ATP2C2: variants seen among roughly 807,000 people sequenced by gnomAD.
ATP2C2 encodes ATPase secretory pathway Ca2+ transporting 2, also known as calcium-transporting ATPase type 2C member 2.
A neutral mutation model predicts 110.8 loss-of-function variants in ATP2C2; 171 were observed. The observed-to-expected ratio is 1.54, with a 90% CI of 1.36 to 1.75. ATP2C2 has a LOEUF of 1.75. Ranked by LOEUF, ATP2C2 falls within the 40% of genes most tolerant of loss-of-function variation. The probability of loss-of-function intolerance (pLI) is 0.00; values close to 1 mark genes in which losing one functional copy is unlikely to be tolerated. For missense variants in ATP2C2, 1,963 were observed against 1,235.0 expected, an observed-to-expected ratio of 1.59 and a Z score of -8.84; for synonymous variants, 804 against 508.4, an observed-to-expected ratio of 1.58 and a Z score of -7.82.
chr16:84,462,900 T>G (rs1190983885), intron 26 of ATP2C2: 2 of 153,036 alleles, frequency 1.3e-5, no homozygotes, highest in East Asian at 3.9e-4. Flanking sequence ...GACCTGAGGC[T>G]GCAGTGACAA....
chr16:84,462,227 G>T (rs912675036), intron 26 of ATP2C2, 98 bp downstream of exon 26: 2 of 1,486,664 alleles, frequency 1.3e-6, no homozygotes, highest in East Asian at 2.3e-5. Context: ...GGGTCAGTGC[G>T]GGAAAGCAGA....
At chr16:84,459,045 C>G in intron 21 of ATP2C2, 75 bp from the exon 22 acceptor site, 1 of 1,535,394 alleles carries the variant, frequency 6.5e-7, no homozygotes, top group Non-Finnish European at 9.0e-7. Context: ...ACCACTGCCC[C>G]TTGCAGCAAC....
In ATP2C2 at chr16:84,398,528, C is replaced by CA. The variant is rs1905127065; in HGVS notation, c.129_130insA (p.Glu44ArgfsTer50). On this transcript the variant is annotated frameshift_variant, in exon 2 of 27. Coordinates refer to ENST00000262429, the MANE Select transcript of ATP2C2 (RefSeq NM_014861.4). LOFTEE classifies it high-confidence loss of function. ...ATGAACAGAGTGAGCTGAAAGCCAT[C>CA]GAGAAAGAGAAGAAGGTGACAGCCC... is the stretch of plus-strand genomic sequence containing the variant. 6.2e-7 allele frequency: 1 copy of CA among 1,612,738 alleles called. No homozygotes were observed. The highest frequency in any genetic ancestry group is 8.5e-7 in the Non-Finnish European group (1 of 1,179,590).
chr16:84,438,586 C>T (rs7202521), intron 11 of ATP2C2, among the ~76,000 whole-genome samples: 5,659 of 152,164 alleles, frequency 0.037, 360 homozygotes, highest in African/African-American at 0.13. Flanking sequence ...GGGGTCGCAC[C>T]GTACAGGGAG....
chr16:84,451,565 C>T (rs1054464428), intron 17 of ATP2C2, among the ~76,000 whole-genome samples: 10 of 152,286 alleles, frequency 6.6e-5, no homozygotes, highest in Admixed American at 2.6e-4. Context: ...GGGCTGCGCA[C>T]GTTGCCTCAC....
chr16:84,388,883 T>G (rs1904480749), intron 1 of ATP2C2, among the ~76,000 whole-genome samples: 1 of 152,208 alleles, frequency 6.6e-6, no homozygotes, highest in South Asian at 2.1e-4. Context: ...GCGATTCTCC[T>G]GCCTCAGCCT....
chr16:84,400,493 ATT>A (rs1216213503), intron 2 of ATP2C2, among the ~76,000 whole-genome samples: 1 of 151,658 alleles, frequency 6.6e-6, no homozygotes, highest in African/African-American at 2.4e-5. Flanking sequence ...TGCCTGGCTA[ATT>A]TTTTTGTATT....
At chr16:84,396,889 G>A (rs551244432) in intron 1 of ATP2C2, among the ~76,000 whole-genome samples, 5 of 152,040 alleles carry the variant, frequency 3.3e-5, no homozygotes, top group Admixed American at 2.0e-4. Flanking sequence ...AGAAGCAGCC[G>A]CATGAAACCG....
At chr16:84,395,544 C>T (rs1408915522) in intron 1 of ATP2C2, among the ~76,000 whole-genome samples, 4 of 150,140 alleles carry the variant, frequency 2.7e-5, no homozygotes, top group East Asian at 3.9e-4. Context: ...TTGCAACCTC[C>T]GCCTTCCAGG....
intron 14 of ATP2C2, among the ~76,000 whole-genome samples, chr16:84,441,606 G>A (rs1013949747): frequency 6.6e-6 from 1 of 152,116 alleles, no homozygotes; most frequent in Non-Finnish European, 1.5e-5. Flanking sequence ...AGCAAACGCT[G>A]TCTTGGTTTT....
intron 4 of ATP2C2, among the ~76,000 whole-genome samples, chr16:84,409,694 G>T (rs1429441049): frequency 6.6e-6 from 1 of 151,996 alleles, no homozygotes. Flanking sequence ...GTAGAGATGA[G>T]GTTTCCCTGT....
chr16:84,460,321 G>A (rs35858301), intron 23 of ATP2C2: 164,361 of 379,316 alleles, frequency 0.43, 36,830 homozygotes, highest in East Asian at 0.66. Flanking sequence ...GGCGGAGCCT[G>A]GAGCCTGTTT....
intron 11 of ATP2C2, among the ~76,000 whole-genome samples, chr16:84,437,949 A>G (rs542693399): frequency 2.0e-5 from 3 of 151,768 alleles, no homozygotes; most frequent in African/African-American, 7.2e-5. Flanking sequence ...CCCATTCTGA[A>G]CATCCCTTAT....
At chr16:84,398,703 G>A (rs187232324) in intron 2 of ATP2C2, 94 bp downstream of exon 2, 1 of 960,124 alleles carries the variant, frequency 1.0e-6, no homozygotes. Flanking sequence ...TTGAAATTCT[G>A]TGTTATTATC....
At chr16:84,412,406 GCATGTGTC>G (rs1906425372) in intron 6 of ATP2C2, among the ~76,000 whole-genome samples, 5 of 117,230 alleles carry the variant, frequency 4.3e-5, no homozygotes, top group Non-Finnish European at 7.7e-5. Flanking sequence ...GTGTGTCTGT[GCATGTGTC>G]TGTGTATGTG....
At chr16:84,390,574 A>T (rs1286914339) in intron 1 of ATP2C2, among the ~76,000 whole-genome samples, 1 of 152,164 alleles carries the variant, frequency 6.6e-6, no homozygotes, top group Non-Finnish European at 1.5e-5. Flanking sequence ...AGTAGGCGGG[A>T]CCGTGACGTC....
intron 7 of ATP2C2, among the ~76,000 whole-genome samples, chr16:84,419,652 G>C (rs1907152280): frequency 7.0e-6 from 1 of 142,614 alleles, no homozygotes; most frequent in Non-Finnish European, 1.5e-5. Context: ...CCTTCCCTTG[G>C]GGCCCCCGAC....
chr16:84,417,547 A>T (rs1906949687), intron 7 of ATP2C2, among the ~76,000 whole-genome samples: 1 of 152,220 alleles, frequency 6.6e-6, no homozygotes, highest in Non-Finnish European at 1.5e-5. Context: ...TTTAGACCCC[A>T]GGTAACTTCC....
intron 6 of ATP2C2, among the ~76,000 whole-genome samples, chr16:84,412,254 ATG>A (rs964311687): frequency 6.8e-6 from 1 of 147,680 alleles, no homozygotes. Flanking sequence ...CTGATTGTGT[ATG>A]TGTGTGTATG....
Sources: allele counts gnomAD v4.1 joint callset (sites outside exome capture counted in the v4.1 genomes callset), GRCh38; gene constraint gnomAD v4.1.1; transcripts MANE v1.5; gene names NCBI Gene and HGNC (gene_info 2026-07-23, HGNC 2026-07-21).